Variants in C9orf57 observed in about 807,000 individuals in gnomAD.
The protein encoded by C9orf57 is chromosome 9 open reading frame 57.
Under a neutral mutation model 12.9 loss-of-function variants are expected in C9orf57, and 12 were observed. The ratio of observed to expected loss-of-function variants is 0.93; its 90% CI spans 0.60 to 1.51. The LOEUF is 1.51. Among genes scored for constraint, C9orf57 ranks in the 40% most tolerant of loss-of-function variants. The probability of loss-of-function intolerance (pLI) is 0.00; values close to 1 mark genes in which losing one functional copy is unlikely to be tolerated. For missense variants in C9orf57, 141 were observed against 162.8 expected, an observed-to-expected ratio of 0.87 and a Z score of 0.73; for synonymous variants, 49 against 57.1, an observed-to-expected ratio of 0.86 and a Z score of 0.64.
Position 72,059,003 on chromosome 9 carries a change from G to A in C9orf57, c.97+232C>T, listed in dbSNP as rs189510524. On this transcript the variant is annotated intron_variant, in intron 2 of 4. Transcript: ENST00000651200. ...AGCAATTCTCCTGCCTCAGCCTCCC[G>A]AGTAGCTAGGTTTACAGGCATGCAC... is the stretch of plus-strand genomic sequence containing the variant. 3.0e-3 allele frequency among the ~76,000 whole-genome samples: 458 copies of A among 151,894 alleles called. 3 individuals carry two copies. The highest frequency in any genetic ancestry group is 0.01 in the African/African-American group (425 of 41,406).
chr9:72,059,358 GA>G lies in C9orf57; in HGVS notation c.-28del. ...CTGATTTCCAAGCCGAAAAGGAGAT[GA>G]AAGGAAAGACACGTCCCACTGATTT... On this transcript the variant is annotated 5_prime_UTR_variant, in exon 2 of 5. Transcript: ENST00000651200. The G allele has an allele frequency of 5.2e-6, 8 of 1,541,704 alleles. No individual in the cohort carries two copies. Among genetic ancestry groups the G allele is most frequent in the Non-Finnish European group, 7.0e-6 (8 of 1,146,836 alleles).
chr9:72,056,888 C>A lies in C9orf57; in HGVS notation c.98-45G>T, dbSNP rs894850595. 3.5e-6 allele frequency: 5 copies of A among 1,412,586 alleles called. No homozygotes were observed. The Admixed American group carries it at 6.1e-5, about 17-fold the overall frequency. 87.5% of individuals were successfully genotyped at this position (1,412,586 alleles called of 1,614,324 possible). A position where few individuals can be genotyped will look rare whatever the true frequency, so the allele number is the denominator to read the frequency against. On this transcript the variant is annotated intron_variant, in intron 2 of 4. Transcript: ENST00000651200. ...GGGGATTGAAAGATTGCATGCTCTGCAAATGTATACATATATATGTATACT... is the reference window on the plus strand; with the variant it reads ...GGGGATTGAAAGATTGCATGCTCTGAAAATGTATACATATATATGTATACT...
At chr9:72,056,288 ATT>A in intron 3 of C9orf57, 92 bp from the exon 4 acceptor site, 1 of 845,720 alleles carries the variant, frequency 1.2e-6, no homozygotes, top group Non-Finnish European at 1.6e-6. Flanking sequence ...TAAAGTAGTG[ATT>A]TTTGACTTTA....
rs747943840 is a variant in C9orf57 at position 72,052,284 on chromosome 9, T to G, written c.*12A>C. ...ATTGATCTGCCAAGCATTTTAGATA[T>G]GGGCCACTGACTCAGAAATTGCACA... On this transcript the variant is annotated 3_prime_UTR_variant, in exon 5 of 5. Coordinates refer to ENST00000651200, the MANE Select transcript of C9orf57 (RefSeq NM_001128618.2). 3 of 1,551,316 alleles carry G rather than the reference T, an allele frequency of 1.9e-6. No individual in the cohort carries two copies. Among genetic ancestry groups the G allele is most frequent in the South Asian group, 1.2e-5 (1 of 84,004 alleles).
chr9:72,052,289 C>T lies in C9orf57; in HGVS notation c.*7G>A. On this transcript the variant is annotated 3_prime_UTR_variant, in exon 5 of 5. Transcript: ENST00000651200. ...TCTGCCAAGCATTTTAGATATGGGC[C>T]ACTGACTCAGAAATTGCACAAAGAA... The T allele has an allele frequency of 2.6e-6, 4 of 1,551,294 alleles. No individual in the cohort carries two copies. Among genetic ancestry groups the T allele is most frequent in the Non-Finnish European group, 3.5e-6 (4 of 1,146,854 alleles).
intron 2 of C9orf57, among the ~76,000 whole-genome samples, chr9:72,057,998 T>C (rs1438468233): frequency 1.3e-5 from 2 of 152,172 alleles, no homozygotes; most frequent in Non-Finnish European, 2.9e-5. Context: ...GCAGATTAAA[T>C]AAACTCACAG....
At position 72,052,282 on chromosome 9, in the gene C9orf57, T is replaced by C; in HGVS notation, c.*14A>G. On this transcript the variant is annotated 3_prime_UTR_variant, in exon 5 of 5. Transcript: ENST00000651200. ...TGATTGATCTGCCAAGCATTTTAGATATGGGCCACTGACTCAGAAATTGCA... is the reference window on the plus strand; with the variant it reads ...TGATTGATCTGCCAAGCATTTTAGACATGGGCCACTGACTCAGAAATTGCA... 1.3e-6 allele frequency: 2 copies of C among 1,551,246 alleles called. No individual in the cohort carries two copies. Among genetic ancestry groups the C allele is most frequent in the East Asian group, 4.9e-5 (2 of 40,916 alleles).
intron 4 of C9orf57, among the ~76,000 whole-genome samples, chr9:72,054,075 C>T (rs1054535052): frequency 1.1e-4 from 16 of 152,228 alleles, no homozygotes; most frequent in Admixed American, 9.2e-4. Context: ...CTTGGCTCAC[C>T]GCAACCTCCA....
At chr9:72,058,886 T>C (rs774303801) in intron 2 of C9orf57, among the ~76,000 whole-genome samples, 4 of 152,178 alleles carry the variant, frequency 2.6e-5, no homozygotes, top group Non-Finnish European at 5.9e-5. Context: ...TCAACAATTT[T>C]TTTTTTTTGA....
intron 4 of C9orf57, among the ~76,000 whole-genome samples, chr9:72,054,173 T>G (rs1824140314): frequency 6.6e-6 from 1 of 152,186 alleles, no homozygotes; most frequent in Non-Finnish European, 1.5e-5. Flanking sequence ...TAATTTTGTA[T>G]TTTTAGTAGA....
chr9:72,057,130 G>A (rs776133661), intron 2 of C9orf57, among the ~76,000 whole-genome samples: 11 of 152,202 alleles, frequency 7.2e-5, no homozygotes, highest in Non-Finnish European at 1.5e-4. Flanking sequence ...GCCCAGGCTG[G>A]TCTCTCTGCT....
Position 72,052,094 on chromosome 9 carries a change from A to C in C9orf57, c.*202T>G, listed in dbSNP as rs1437339080. The C allele has an allele frequency of 1.9e-6, 1 of 534,058 alleles. No individual in the cohort carries two copies. Among genetic ancestry groups the C allele is most frequent in the East Asian group, 3.2e-5 (1 of 31,344 alleles). The allele number at this position is 534,058 out of a possible 1,614,324, so 33.1% of individuals were successfully genotyped here. A position where few individuals can be genotyped will look rare whatever the true frequency, so the allele number is the denominator to read the frequency against. On this transcript the variant is annotated 3_prime_UTR_variant, in exon 5 of 5. Transcript: ENST00000651200. ...GGAGAGAAATGGTGTTGAAAGGGCT[A>C]TTTCTCAGATGAGTTGGAGGTGGTG...
intron 4 of C9orf57, among the ~76,000 whole-genome samples, chr9:72,054,788 T>C (rs1480769396): frequency 2.0e-5 from 3 of 152,046 alleles, no homozygotes; most frequent in Non-Finnish European, 2.9e-5. Flanking sequence ...TATCCATGTT[T>C]CTTATATTTT....
At chr9:72,058,298 C>T (rs1440199880) in intron 2 of C9orf57, among the ~76,000 whole-genome samples, 1 of 151,980 alleles carries the variant, frequency 6.6e-6, no homozygotes, top group Non-Finnish European at 1.5e-5. Context: ...GTAGCTGGGA[C>T]TACAGGCACC....
Position 72,060,487 on chromosome 9 carries a change from C to T in C9orf57, c.-54+10G>A, listed in dbSNP as rs762349147. Reference sequence around the variant, plus strand: ...GGTAAAGTATAATATTTCAGTTGTTCATGACCTACCTATCTTTTTCATTAA... The same window carrying T: ...GGTAAAGTATAATATTTCAGTTGTTTATGACCTACCTATCTTTTTCATTAA... On this transcript the variant is annotated intron_variant, in intron 1 of 4. Transcript: ENST00000651200. 1.8e-5 allele frequency: 24 copies of T among 1,312,042 alleles called. No individual in the cohort carries two copies. Among genetic ancestry groups the T allele is most frequent in the Non-Finnish European group, 2.4e-5 (22 of 929,008 alleles). 81.3% of individuals were successfully genotyped at this position (1,312,042 alleles called of 1,614,324 possible).
chr9:72,052,186 G>A lies in C9orf57; in HGVS notation c.*110C>T, dbSNP rs1318575035. ...ATCAAAATTCCTTCTACCTACAAGG[G>A]TCTGAGGTTTCTGAAGTGGGCTAAT... On this transcript the variant is annotated 3_prime_UTR_variant, in exon 5 of 5. Coordinates refer to ENST00000651200, the MANE Select transcript of C9orf57 (RefSeq NM_001128618.2). 3.2e-6 allele frequency: 4 copies of A among 1,244,522 alleles called. No homozygotes were observed. The Admixed American group carries it at 9.3e-5, about 29-fold the overall frequency. The allele number at this position is 1,244,522 out of a possible 1,614,324, so 77.1% of individuals were successfully genotyped here.
chr9:72,052,469 G>C, intron 4 of C9orf57, 34 bp from the exon 5 acceptor site: 1 of 1,546,318 alleles, frequency 6.5e-7, no homozygotes, highest in Non-Finnish European at 8.7e-7. Flanking sequence ...GAAATTTCTT[G>C]GGAGGTACAA....
At chr9:72,054,510 G>T (rs144719467) in intron 4 of C9orf57, among the ~76,000 whole-genome samples, 2 of 152,108 alleles carry the variant, frequency 1.3e-5, no homozygotes, top group African/African-American at 4.8e-5. Flanking sequence ...ATGTCTGAGC[G>T]TTCCCATTTC....
intron 4 of C9orf57, among the ~76,000 whole-genome samples, chr9:72,054,727 G>C (rs1271792734): frequency 2.6e-5 from 4 of 151,818 alleles, no homozygotes; most frequent in Admixed American, 2.6e-4. Context: ...TTGATTGTTG[G>C]TCTTTTTAAA....
Sources: allele counts gnomAD v4.1 joint callset (sites outside exome capture counted in the v4.1 genomes callset), GRCh38; gene constraint gnomAD v4.1.1; transcripts MANE v1.5; gene names NCBI Gene and HGNC (gene_info 2026-07-23, HGNC 2026-07-21).